The following EEA1 variants were observed in gnomAD, a reference collection of about 807,000 sequenced individuals.
EEA1 encodes the protein early endosome antigen 1, 162kD.
A neutral mutation model predicts 209.2 loss-of-function variants in EEA1; 111 were observed. The ratio of observed to expected loss-of-function variants is 0.53; its 90% CI spans 0.45 to 0.62. The LOEUF (loss-of-function observed/expected upper bound fraction) is 0.62, where lower values mean the gene tolerates loss of function less well. EEA1 is among the 20% of genes least tolerant of loss of function. EEA1 has a pLI of 0.00. For synonymous variants in EEA1, 536 were observed against 540.6 expected, an observed-to-expected ratio of 0.99 and a Z score of 0.12; for missense variants, 1,343 against 1,530.8, an observed-to-expected ratio of 0.88 and a Z score of 2.05.
At chr12:92,906,088 C>G (rs1170131961) in intron 1 of EEA1, among the ~76,000 whole-genome samples, 2 of 139,244 alleles carry the variant, frequency 1.4e-5, no homozygotes, top group East Asian at 2.0e-4. Flanking sequence ...CTTTTCTTTT[C>G]TTTTCTTTTT....
At chr12:92,872,338 C>T (rs1351718774) in intron 2 of EEA1, among the ~76,000 whole-genome samples, 1 of 152,184 alleles carries the variant, frequency 6.6e-6, no homozygotes, top group East Asian at 1.9e-4. Context: ...CGTGGGCCAC[C>T]ACGCCCAGCC....
intron 2 of EEA1, among the ~76,000 whole-genome samples, chr12:92,878,306 G>T (rs988355875): frequency 6.6e-6 from 1 of 152,102 alleles, no homozygotes; most frequent in South Asian, 2.1e-4. Flanking sequence ...CAAAAAAGGT[G>T]GGGGAACGGA....
intron 1 of EEA1, among the ~76,000 whole-genome samples, chr12:92,901,021 T>C (rs1482386511): frequency 6.6e-6 from 1 of 152,168 alleles, no homozygotes; most frequent in Non-Finnish European, 1.5e-5. Flanking sequence ...AAATTCATTT[T>C]TGATTCATTA....
chr12:92,827,646 T>G (rs1369787596), intron 12 of EEA1, among the ~76,000 whole-genome samples: 3 of 152,210 alleles, frequency 2.0e-5, no homozygotes. Context: ...AGGAAGACTC[T>G]AGCAGCCTGA....
chr12:92,865,946 C>T (rs185768859), intron 2 of EEA1, among the ~76,000 whole-genome samples: 99 of 151,632 alleles, frequency 6.5e-4, no homozygotes, highest in African/African-American at 2.2e-3. Context: ...GATGGGGTTT[C>T]GCCATGTTGG....
chr12:92,824,038 T>A (rs1341715354), intron 13 of EEA1, among the ~76,000 whole-genome samples: 3 of 152,234 alleles, frequency 2.0e-5, no homozygotes, highest in Non-Finnish European at 4.4e-5. Context: ...ATCAGGCTTT[T>A]GTCTCACTTC....
At chr12:92,826,325 A>G in intron 12 of EEA1, 40 bp from the exon 13 acceptor site, 1 of 1,572,920 alleles carries the variant, frequency 6.4e-7, no homozygotes, top group East Asian at 2.3e-5. Flanking sequence ...ACTTAAAGGC[A>G]TAATGCTATC....
chr12:92,829,695 C>T (rs573588015), intron 11 of EEA1, among the ~76,000 whole-genome samples: 1 of 148,668 alleles, frequency 6.7e-6, no homozygotes, highest in African/African-American at 2.5e-5. Context: ...ACGAGAATTG[C>T]TTGGACCCGG....
chr12:92,778,086 A>C lies in EEA1; in HGVS notation c.3748T>G (p.Leu1250Val), dbSNP rs1390070998. 6.2e-7 allele frequency: 1 copy of C among 1,613,476 alleles called. No individual in the cohort carries two copies. Among genetic ancestry groups the C allele is most frequent in the Non-Finnish European group, 8.5e-7 (1 of 1,179,574 alleles). ...TMQITALNEN[L>V]GTVKKEWQSS... is the part of the protein sequence containing the mutation. ...TGCCACTCCTTCTTCACAGTGCCTA[A>C]GTTTTCATTTAATGCTGTAATCTGC... Residue 1250 changes from leucine to valine, a missense_variant, in exon 26 of 29, where the codon TTA becomes GTA. Coordinates refer to ENST00000322349, the MANE Select transcript of EEA1 (RefSeq NM_003566.4).
At chr12:92,894,927 A>G (rs1372264950) in intron 1 of EEA1, among the ~76,000 whole-genome samples, 1 of 152,208 alleles carries the variant, frequency 6.6e-6, no homozygotes. Flanking sequence ...TGGGCTTCCA[A>G]GCTTCGAATT....
chr12:92,919,581 T>C (rs999604779), intron 1 of EEA1, among the ~76,000 whole-genome samples: 23 of 151,070 alleles, frequency 1.5e-4, no homozygotes, highest in African/African-American at 5.1e-4. Flanking sequence ...AAATTAGCTA[T>C]TGATGGGACG....
chr12:92,817,701 A>G (rs563292801), intron 14 of EEA1, among the ~76,000 whole-genome samples: 90 of 152,260 alleles, frequency 5.9e-4, no homozygotes, highest in African/African-American at 2.1e-3. Context: ...TCACATGTGT[A>G]GTAATCTTTT....
chr12:92,825,667 T>A (rs1876262498), intron 13 of EEA1, among the ~76,000 whole-genome samples: 1 of 151,964 alleles, frequency 6.6e-6, no homozygotes, highest in Non-Finnish European at 1.5e-5. Flanking sequence ...GGAAAAGAAA[T>A]GACCAACAAA....
At chr12:92,882,591 T>C (rs1172836197) in intron 2 of EEA1, among the ~76,000 whole-genome samples, 1 of 152,156 alleles carries the variant, frequency 6.6e-6, no homozygotes, top group Non-Finnish European at 1.5e-5. Flanking sequence ...ATTCTAGTAG[T>C]CTCCAGTTTC....
At chr12:92,783,243 T>C (rs553707953) in intron 22 of EEA1, among the ~76,000 whole-genome samples, 4 of 152,296 alleles carry the variant, frequency 2.6e-5, no homozygotes, top group African/African-American at 9.6e-5. Context: ...TGGGATTTGA[T>C]ACTATCTCTA....
rs777122645 is a variant in EEA1, at chr12:92,781,976, C to T, written c.3310G>A (p.Ala1104Thr). The T allele has an allele frequency of 1.9e-6, 3 of 1,612,716 alleles. No homozygotes were observed. The highest frequency in any genetic ancestry group is 1.1e-5 in the South Asian group (1 of 90,972). ...KEQQLQERCK[A>T]LQDIQKEKSL... ...TTTTCTTTCTGAATGTCTTGTAGTG[C>T]TTTACATCGCTCCTGCAATTGCTGT... The change falls in exon 23 of 29, where the codon GCA becomes ACA. Residue 1104 changes from alanine (A) to threonine (T), a missense_variant. Physicochemically the swap from Ala to Thr is moderately conservative, Grantham distance 58. This residue lies in a region of EEA1 where 1,307 missense variants were observed against 1,465.5 expected (regional missense o/e 0.89). Transcript: ENST00000322349.
At chr12:92,828,349 T>C (rs1475634768) in intron 11 of EEA1, among the ~76,000 whole-genome samples, 4 of 152,090 alleles carry the variant, frequency 2.6e-5, no homozygotes, top group Non-Finnish European at 5.9e-5. Flanking sequence ...GATATAAGTG[T>C]TGGAACTTTC....
chr12:92,924,464 C>T (rs1881133643), intron 1 of EEA1, among the ~76,000 whole-genome samples: 1 of 152,098 alleles, frequency 6.6e-6, no homozygotes, highest in Non-Finnish European at 1.5e-5. Context: ...CCACCTCAGC[C>T]TCCCAAAGTG....
intron 1 of EEA1, among the ~76,000 whole-genome samples, chr12:92,896,223 C>T (rs1397760214): frequency 6.6e-6 from 1 of 152,134 alleles, no homozygotes; most frequent in Non-Finnish European, 1.5e-5. Flanking sequence ...CCACCCACTT[C>T]GGCCTCCCAA....
Sources: gnomAD v4.1 joint callset for allele counts (sites outside exome capture counted in the v4.1 genomes callset) on GRCh38, gnomAD v4.1.1 for gene constraint, gnomAD v4.1.1 regional missense constraint, MANE v1.5 for transcripts, NCBI Gene and HGNC (gene_info 2026-07-23, HGNC 2026-07-21) for gene names.